The following UGT1A6 variants were observed in gnomAD, a reference collection of about 807,000 sequenced individuals.
The protein encoded by UGT1A6 is UDP glucuronosyltransferase family 1 member A6.
In UGT1A6, 32 loss-of-function variants were observed where a neutral mutation model predicts 44.4. The observed-to-expected ratio is 0.72, with a 90% CI of 0.54 to 0.97. The LOEUF is 0.97. Ranked by LOEUF, UGT1A6 falls within the 50% of genes least tolerant of loss-of-function variation. UGT1A6 has a pLI of 0.00. For synonymous variants in UGT1A6, 238 were observed against 248.5 expected (o/e 0.96, Z 0.40); for missense variants, 685 against 661.9 (o/e 1.03, Z -0.38).
chr2:233,742,736 T>C (rs1017364884), intron 1 of UGT1A6: 1 of 152,920 alleles, frequency 6.5e-6, no homozygotes, highest in Non-Finnish European at 1.5e-5. Context: ...GATTCAAATG[T>C]CTGACCTCCA....
chr2:233,723,213 CT>C (rs201420005), intron 1 of UGT1A6, among the ~76,000 whole-genome samples: 4,186 of 88,020 alleles, frequency 0.048, 123 homozygotes, highest in African/African-American at 0.1. Context: ...TCAAAACTGA[CT>C]TTTTTTTTTT....
At position 233,767,025 on chromosome 2, in the gene UGT1A6, T is replaced by G. The variant is rs1345213013; in HGVS notation, c.862-9T>G. ...AAAAATTAACTGAAAATTTTTCTTC[T>G]GGCTCTAGGAATTTGAAGCCTACAT... On this transcript the variant is annotated splice_polypyrimidine_tract_variant and intron_variant, in intron 1 of 4. Coordinates refer to ENST00000305139, the MANE Select transcript of UGT1A6 (RefSeq NM_001072.4). The G allele has an allele frequency of 6.2e-7, 1 of 1,614,030 alleles. No individual in the cohort carries two copies. The highest frequency in any genetic ancestry group is 8.5e-7 in the Non-Finnish European group (1 of 1,180,008).
chr2:233,706,970 T>G (rs1184421684), intron 1 of UGT1A6, among the ~76,000 whole-genome samples: 1 of 152,146 alleles, frequency 6.6e-6, no homozygotes, highest in Non-Finnish European at 1.5e-5. Flanking sequence ...AGAAACTTGA[T>G]TCTTCACAGA....
chr2:233,700,593 C>T (rs888574084), intron 1 of UGT1A6, among the ~76,000 whole-genome samples: 1 of 152,066 alleles, frequency 6.6e-6, no homozygotes, highest in Non-Finnish European at 1.5e-5. Flanking sequence ...TATTATGATA[C>T]AATTCACTCT....
In UGT1A6 at chr2:233,712,997, C is replaced by T; in HGVS notation, c.861+19132C>T. ...TGTCGGTGGCTTCTGCTGAGATGGC[C>T]ACAGGACTCCAGGTTCCCCTGCCGC... On this transcript the variant is annotated intron_variant, in intron 1 of 4. Transcript: ENST00000305139. The T allele has an allele frequency of 1.9e-6, 3 of 1,613,428 alleles. No individual in the cohort carries two copies. In the East Asian group the frequency reaches 6.7e-5, roughly 36 times the overall value.
At position 233,773,123 on chromosome 2, in the gene UGT1A6, A is replaced by G. The variant is rs1700567243; in HGVS notation, c.*564A>G. On this transcript the variant is annotated 3_prime_UTR_variant, in exon 5 of 5. Transcript: ENST00000305139. ...GCATATGATTTCTTGCTTTGGGGAA[A>G]AAGAATGATGCTATGAAATTGGTGG... 6.4e-6 allele frequency: 1 copy of G among 155,124 alleles called. No homozygotes were observed. The highest frequency in any genetic ancestry group is 1.4e-5 in the Non-Finnish European group (1 of 69,730). The allele number at this position is 155,124 out of a possible 1,614,324, so 9.6% of individuals were successfully genotyped here. A position where few individuals can be genotyped will look rare whatever the true frequency, so the allele number is the denominator to read the frequency against.
At chr2:233,761,712 C>G (rs1355356029) in intron 1 of UGT1A6, among the ~76,000 whole-genome samples, 1 of 152,230 alleles carries the variant, frequency 6.6e-6, no homozygotes, top group Non-Finnish European at 1.5e-5. Context: ...GTTTCATTCT[C>G]AAGCTATTAG....
At chr2:233,716,524 C>T (rs1465366179) in intron 1 of UGT1A6, among the ~76,000 whole-genome samples, 1 of 152,198 alleles carries the variant, frequency 6.6e-6, no homozygotes. Flanking sequence ...GCTTACCATT[C>T]AATTATCTCC....
chr2:233,706,576 G>A (rs550781896), intron 1 of UGT1A6, among the ~76,000 whole-genome samples: 1 of 152,280 alleles, frequency 6.6e-6, no homozygotes, highest in African/African-American at 2.4e-5. Context: ...GGGTAAGAGT[G>A]GAGATGGGAG....
intron 1 of UGT1A6, among the ~76,000 whole-genome samples, chr2:233,757,461 C>T (rs181439880): frequency 5.8e-4 from 87 of 149,574 alleles, no homozygotes; most frequent in Non-Finnish European, 1.2e-3. Context: ...GTCCAGAGCG[C>T]TTACTGTCTC....
Position 233,769,603 on chromosome 2 carries a change from G to A in UGT1A6, c.1301+1164G>A. The stretch of plus-strand genomic sequence containing the variant: ...CAGATGAGAGGAGACGGAACACGGG[G>A]ACACACCAGCTTGAGCAAGGGACAA... On this transcript the variant is annotated intron_variant, in intron 4 of 4. Coordinates refer to ENST00000305139, the MANE Select transcript of UGT1A6 (RefSeq NM_001072.4). This position sits in a 1 kb window ranked among gnomAD's most constrained non-coding sequence, Gnocchi z 4.4. The A allele has an allele frequency of 6.2e-7, 1 of 1,612,818 alleles. No homozygotes were observed. The highest frequency in any genetic ancestry group is 8.5e-7 in the Non-Finnish European group (1 of 1,179,870).
intron 1 of UGT1A6, chr2:233,747,078 AG>A: frequency 1.8e-6 from 2 of 1,085,946 alleles, no homozygotes; most frequent in Non-Finnish European, 2.6e-6. Context: ...ATAATTAACT[AG>A]GAGGAGAGCA....
chr2:233,727,334 C>G (rs2077606253), intron 1 of UGT1A6, among the ~76,000 whole-genome samples: 1 of 152,132 alleles, frequency 6.6e-6, no homozygotes, highest in South Asian at 2.1e-4. Context: ...GGAGCTCCTC[C>G]CTCCCCATAG....
chr2:233,713,057 C>T (rs145133773), intron 1 of UGT1A6: 14 of 1,613,998 alleles, frequency 8.7e-6, no homozygotes, highest in Non-Finnish European at 1.2e-5. Flanking sequence ...TCCTCAGTGT[C>T]CAGCCCTGGG....
intron 1 of UGT1A6, chr2:233,719,713 C>T (rs761088378): frequency 6.2e-7 from 1 of 1,613,962 alleles, no homozygotes; most frequent in African/African-American, 1.3e-5. Flanking sequence ...TTCATCCAAT[C>T]AATGTTCCAG....
rs144416943 is a variant in UGT1A6, at chr2:233,751,718, G to A, written c.862-15316G>A. 2.1e-3 allele frequency among the ~76,000 whole-genome samples: 324 copies of A among 152,254 alleles called. 2 individuals carry two copies. The highest frequency in any genetic ancestry group is 7.5e-3 in the African/African-American group (310 of 41,552). ...GGGGCTCTTCCTCCTTCACTCACAA[G>A]TGAACTCTTCCTCTCTGTTTCTCTC... On this transcript the variant is annotated intron_variant, in intron 1 of 4. Transcript: ENST00000305139.
At chr2:233,756,599 C>A (rs1235444943) in intron 1 of UGT1A6, among the ~76,000 whole-genome samples, 2 of 152,080 alleles carry the variant, frequency 1.3e-5, no homozygotes, top group Non-Finnish European at 2.9e-5. Flanking sequence ...TTTACTGTAT[C>A]GAAACCATTA....
intron 1 of UGT1A6, chr2:233,718,738 T>C: frequency 6.2e-7 from 1 of 1,611,852 alleles, no homozygotes; most frequent in Non-Finnish European, 8.5e-7. Flanking sequence ...GGTGGCTCAA[T>C]GACAAGGTAA....
At chr2:233,767,824 G>A (rs201092075) in intron 2 of UGT1A6, 25 bp from the exon 3 acceptor site, 82 of 1,614,024 alleles carry the variant, frequency 5.1e-5, no homozygotes, top group East Asian at 2.7e-4. Flanking sequence ...CTTTCTTTAC[G>A]TTCTGCTCTT....
Sources: allele counts gnomAD v4.1 joint callset (sites outside exome capture counted in the v4.1 genomes callset), GRCh38; gene constraint gnomAD v4.1.1; non-coding constraint Gnocchi (gnomAD v3.1); transcripts MANE v1.5; gene names NCBI Gene and HGNC (gene_info 2026-07-23, HGNC 2026-07-21).